TPD52L1: variants seen among roughly 807,000 people sequenced by gnomAD.
TPD52L1 encodes the protein TPD52 like 1.
TPD52L1 carries 18 observed loss-of-function variants against 28.7 expected under a neutral mutation model. That is an observed-to-expected ratio of 0.63 (90% confidence interval 0.43 to 0.93). The LOEUF (loss-of-function observed/expected upper bound fraction) is 0.93. Among genes scored for constraint, TPD52L1 ranks in the 40% least tolerant of loss-of-function variants. TPD52L1 has a pLI of 0.00. For missense variants in TPD52L1, 203 were observed against 254.8 expected (o/e 0.80, Z 1.39); for synonymous variants, 75 against 88.8 (o/e 0.84, Z 0.88).
At chr6:125,262,378 T>A (rs1798110280) in intron 6 of TPD52L1, 2 of 153,030 alleles carry the variant, frequency 1.3e-5, no homozygotes, top group Non-Finnish European at 2.9e-5. Flanking sequence ...TCAAAAGACA[T>A]TTGTCAGAAA....
chr6:125,256,894 GA>G (rs1398485307), intron 5 of TPD52L1, among the ~76,000 whole-genome samples: 1 of 152,228 alleles, frequency 6.6e-6, no homozygotes, highest in Non-Finnish European at 1.5e-5. Flanking sequence ...ATTTTACCTA[GA>G]AAAATTCCAT....
intron 1 of TPD52L1, among the ~76,000 whole-genome samples, chr6:125,202,764 A>ACCTTTTTT (rs1793874843): frequency 1.4e-5 from 1 of 69,244 alleles, no homozygotes; most frequent in African/African-American, 1.2e-4. Context: ...TTGGAGGTTT[A>ACCTTTTTT]TCTTTTTTTT....
chr6:125,202,573 A>T (rs1326126034), intron 1 of TPD52L1, among the ~76,000 whole-genome samples: 1 of 151,618 alleles, frequency 6.6e-6, no homozygotes, highest in Non-Finnish European at 1.5e-5. Context: ...AAGAAGGAGG[A>T]TGAGGAGGAG....
At chr6:125,248,513 T>C in intron 4 of TPD52L1, 130 bp downstream of exon 4, 1 of 647,980 alleles carries the variant, frequency 1.5e-6, no homozygotes, top group Non-Finnish European at 2.7e-6. Flanking sequence ...GTTATATGGC[T>C]GATATGATTG....
chr6:125,189,067 A>G (rs1254654995), intron 1 of TPD52L1, among the ~76,000 whole-genome samples: 1 of 152,246 alleles, frequency 6.6e-6, no homozygotes, highest in Admixed American at 6.5e-5. Context: ...TGGGACTGTC[A>G]TGAGAAGACT....
intron 3 of TPD52L1, chr6:125,231,083 A>G (rs976268425): frequency 6.6e-6 from 1 of 152,232 alleles, no homozygotes; most frequent in African/African-American, 2.4e-5. Context: ...TGGCCCTGAC[A>G]GTGTAAAGTT....
chr6:125,191,113 C>T (rs1180145473), intron 1 of TPD52L1, among the ~76,000 whole-genome samples: 1 of 152,212 alleles, frequency 6.6e-6, no homozygotes, highest in African/African-American at 2.4e-5. Flanking sequence ...GTCCTCACAA[C>T]TACAGTTAAC....
At chr6:125,187,945 G>C (rs907947461) in intron 1 of TPD52L1, among the ~76,000 whole-genome samples, 1 of 149,562 alleles carries the variant, frequency 6.7e-6, no homozygotes, top group Non-Finnish European at 1.5e-5. Flanking sequence ...TTTTTTTAAT[G>C]ATGTCGAGGA....
intron 1 of TPD52L1, among the ~76,000 whole-genome samples, chr6:125,171,373 T>A (rs1200365553): frequency 6.6e-6 from 1 of 152,190 alleles, no homozygotes; most frequent in Non-Finnish European, 1.5e-5. Context: ...ATTGATATTC[T>A]TGTATAATTT....
At chr6:125,178,544 C>T (rs1251788623) in intron 1 of TPD52L1, among the ~76,000 whole-genome samples, 1 of 152,148 alleles carries the variant, frequency 6.6e-6, no homozygotes, top group African/African-American at 2.4e-5. Flanking sequence ...TCGCTTCAAC[C>T]CGGGAAGTGG....
intron 1 of TPD52L1, among the ~76,000 whole-genome samples, chr6:125,195,204 A>G (rs1211985043): frequency 6.6e-6 from 1 of 152,212 alleles, no homozygotes; most frequent in Non-Finnish European, 1.5e-5. Flanking sequence ...GTTAATCTGT[A>G]ACAAGGGTCA....
At chr6:125,197,160 A>C (rs941393693) in intron 1 of TPD52L1, among the ~76,000 whole-genome samples, 11 of 152,206 alleles carry the variant, frequency 7.2e-5, no homozygotes, top group Non-Finnish European at 1.5e-4. Flanking sequence ...TGCTGAGAAA[A>C]GAGCTGGCTG....
intron 5 of TPD52L1, among the ~76,000 whole-genome samples, chr6:125,255,763 A>C (rs1458662286): frequency 6.6e-6 from 1 of 152,006 alleles, no homozygotes; most frequent in Non-Finnish European, 1.5e-5. Flanking sequence ...TCAAGAGAGA[A>C]TAACAAGTGC....
intron 6 of TPD52L1, chr6:125,261,003 AAAGAAAGAAAGAAAGAAAAGAAAAGAAAG>A (rs1797986670): frequency 4.3e-5 from 2 of 46,190 alleles, no homozygotes; most frequent in African/African-American, 3.7e-4. Flanking sequence ...AGAAAGAAAG[AAAGAAAGAAAGAAAGAAAAGAAAAGAAAG>A]AAAGAAAGAA....
intron 1 of TPD52L1, among the ~76,000 whole-genome samples, chr6:125,182,930 A>C (rs520966): frequency 0.39 from 59,204 of 152,118 alleles, 12,522 homozygotes; most frequent in African/African-American, 0.56. Context: ...GAATGCAAGG[A>C]ATGTTATTTT....
chr6:125,178,547 G>A (rs74452935), intron 1 of TPD52L1, among the ~76,000 whole-genome samples: 1 of 152,142 alleles, frequency 6.6e-6, no homozygotes, highest in Non-Finnish European at 1.5e-5. Context: ...CTTCAACCCG[G>A]GAAGTGGAGG....
intron 1 of TPD52L1, among the ~76,000 whole-genome samples, chr6:125,211,562 A>G (rs185630843): frequency 6.6e-6 from 1 of 152,172 alleles, no homozygotes; most frequent in African/African-American, 2.4e-5. Context: ...TCGTCTGTGT[A>G]TGCAGATTTC....
intron 1 of TPD52L1, among the ~76,000 whole-genome samples, chr6:125,170,541 C>T (rs1038808886): frequency 2.6e-5 from 4 of 152,000 alleles, no homozygotes; most frequent in Non-Finnish European, 4.4e-5. Context: ...ACACACCAGC[C>T]TGCATTAACA....
intron 4 of TPD52L1, chr6:125,252,140 C>T: frequency 2.3e-6 from 3 of 1,326,942 alleles, no homozygotes; most frequent in Non-Finnish European, 3.1e-6. Context: ...ACCAACAAAA[C>T]TACACTCTGT....
Sources: gnomAD v4.1 joint callset for allele counts (sites outside exome capture counted in the v4.1 genomes callset) on GRCh38, gnomAD v4.1.1 for gene constraint, MANE v1.5 for transcripts, NCBI Gene and HGNC (gene_info 2026-07-23, HGNC 2026-07-21) for gene names.